Variants in SLC38A4 observed in about 807,000 individuals in gnomAD.
SLC38A4 encodes solute carrier family 38 member 4, also known as sodium-coupled neutral amino acid transporter 4.
A neutral mutation model predicts 63.1 loss-of-function variants in SLC38A4; 20 were observed. The ratio of observed to expected loss-of-function variants is 0.32; its 90% CI spans 0.22 to 0.46. SLC38A4 has a LOEUF of 0.46. SLC38A4 is among the 20% of genes least tolerant of loss of function. The pLI is 1.00. For missense variants in SLC38A4, 526 were observed against 663.6 expected, an observed-to-expected ratio of 0.79 and a Z score of 2.28; for synonymous variants, 230 against 225.5, an observed-to-expected ratio of 1.02 and a Z score of -0.18.
chr12:46,783,060 T>TGTGTGTGTGTGTGTGTG (rs1236267248), intron 7 of SLC38A4, among the ~76,000 whole-genome samples: 1 of 42,004 alleles, frequency 2.4e-5, no homozygotes, highest in African/African-American at 7.8e-5. Flanking sequence ...GTGTGTGTGT[T>TGTGTGTGTGTGTGTGTG]AGGGTTGGAG....
At chr12:46,779,754 TA>T in intron 9 of SLC38A4, 25 bp downstream of exon 9, 1 of 1,588,974 alleles carries the variant, frequency 6.3e-7, no homozygotes, top group Non-Finnish European at 8.6e-7. Context: ...AAAATAAAAA[TA>T]TTTCCAGTTA....
At chr12:46,781,942 A>G (rs1187714702) in intron 7 of SLC38A4, among the ~76,000 whole-genome samples, 1 of 152,040 alleles carries the variant, frequency 6.6e-6, no homozygotes, top group East Asian at 1.9e-4. Context: ...TAAGGCTGAG[A>G]GTTTGAAACA....
chr12:46,797,387 C>A (rs78766382), intron 2 of SLC38A4, among the ~76,000 whole-genome samples: 5,842 of 152,218 alleles, frequency 0.038, 136 homozygotes, highest in Middle Eastern at 0.071. Flanking sequence ...AATTTACTGT[C>A]TCTGCTTGAG....
chr12:46,774,249 G>A (rs116070889), intron 14 of SLC38A4, among the ~76,000 whole-genome samples: 1,602 of 152,170 alleles, frequency 0.011, 30 homozygotes, highest in African/African-American at 0.037. Flanking sequence ...AGCCCTGTAT[G>A]GAACATTATG....
chr12:46,793,056 G>C lies in SLC38A4; in HGVS notation c.16C>G (p.Leu6Val). The C allele has an allele frequency of 1.9e-6, 3 of 1,612,730 alleles. No homozygotes were observed. Residue 6 changes from leucine to valine, a missense_variant, in exon 3 of 17, where the codon CTG becomes GTG. Coordinates refer to ENST00000266579, the MANE Select transcript of SLC38A4 (RefSeq NM_018018.5). Reference protein sequence around the residue: MDPMELRNVNIEPDDE... With the variant: MDPMEVRNVNIEPDDE... ...TCTGGTTCGATGTTGACATTTCTCA[G>C]TTCCATGGGATCCATTTGAGCTGTC...
rs773098955 is a variant in SLC38A4, at chr12:46,788,636, C to A, written c.120-18G>T. ...CAAATTGACTGAACACACACACACA[C>A]AAATAAGAAAGTGAAAACATCTAAA... On this transcript the variant is annotated intron_variant, in intron 3 of 16. Coordinates refer to ENST00000266579, the MANE Select transcript of SLC38A4 (RefSeq NM_018018.5). The A allele has an allele frequency of 6.3e-7, 1 of 1,575,450 alleles. No individual in the cohort carries two copies. The highest frequency in any genetic ancestry group is 1.7e-5 in the Admixed American group (1 of 59,778).
intron 4 of SLC38A4, 134 bp downstream of exon 4, chr12:46,788,394 G>A: frequency 1.4e-6 from 1 of 692,314 alleles, no homozygotes; most frequent in Non-Finnish European, 2.5e-6. Flanking sequence ...CCTTATTCCA[G>A]TAAGAGCCTG....
chr12:46,819,078 G>A (rs1017623301), intron 1 of SLC38A4, among the ~76,000 whole-genome samples: 2 of 151,762 alleles, frequency 1.3e-5, no homozygotes, highest in African/African-American at 4.8e-5. Flanking sequence ...GCAGAATTTT[G>A]GAGTTTGAGA....
intron 14 of SLC38A4, 39 bp downstream of exon 14, chr12:46,775,010 G>T (rs1280381126): frequency 3.7e-6 from 6 of 1,605,934 alleles, no homozygotes; most frequent in Non-Finnish European, 4.3e-6. Flanking sequence ...AATTTATGGG[G>T]TCAAGTAGGT....
intron 1 of SLC38A4, among the ~76,000 whole-genome samples, chr12:46,806,709 C>T (rs149047278): frequency 4.6e-5 from 7 of 151,978 alleles, no homozygotes; most frequent in African/African-American, 4.8e-5. Context: ...AGAAAGAGAA[C>T]GTATGGTGAT....
upstream of SLC38A4, among the ~76,000 whole-genome samples, chr12:46,826,351 C>G (rs1939652185): frequency 6.6e-6 from 1 of 152,004 alleles, no homozygotes; most frequent in Non-Finnish European, 1.5e-5. Flanking sequence ...TTCACTGGAC[C>G]AAAACATGGA....
chr12:46,829,160 G>C (rs1939697609), upstream of SLC38A4, among the ~76,000 whole-genome samples: 1 of 152,144 alleles, frequency 6.6e-6, no homozygotes, highest in Non-Finnish European at 1.5e-5. Context: ...CTATAGAATA[G>C]AGTATCATGT....
chr12:46,784,656 C>A (rs1565667562), intron 6 of SLC38A4, 22 bp from the exon 7 acceptor site: 1 of 1,574,352 alleles, frequency 6.4e-7, no homozygotes. Context: ...GATAAAATAG[C>A]CTTGTTAAAG....
At position 46,796,646 on chromosome 12, in the gene SLC38A4, G is replaced by A. The variant is rs61703497; in HGVS notation, c.-112-3463C>T. The stretch of plus-strand genomic sequence containing the variant: ...CTGCCACTCTAGGAGCAGTTACTCC[G>A]GGGGTGAAGCATTTTAATGTATCTT... On this transcript the variant is annotated intron_variant, in intron 2 of 16. Coordinates refer to ENST00000266579, the MANE Select transcript of SLC38A4 (RefSeq NM_018018.5). Among the ~76,000 whole-genome samples, 411 of 152,212 alleles carry A rather than the reference G, an allele frequency of 2.7e-3. 4 individuals are homozygous for A. Among genetic ancestry groups the A allele is most frequent in the African/African-American group, 9.1e-3 (380 of 41,560 alleles).
At chr12:46,796,556 AG>A (rs1939009598) in intron 2 of SLC38A4, among the ~76,000 whole-genome samples, 1 of 152,040 alleles carries the variant, frequency 6.6e-6, no homozygotes, top group African/African-American at 2.4e-5. Flanking sequence ...GCTCCCTTGT[AG>A]GTTCTGTGTA....
intron 7 of SLC38A4, among the ~76,000 whole-genome samples, chr12:46,783,757 T>C (rs952938288): frequency 5.3e-5 from 8 of 151,756 alleles, no homozygotes; most frequent in African/African-American, 1.9e-4. Flanking sequence ...GAATAGCAGG[T>C]TTAGGGACTG....
chr12:46,786,236 C>T (rs1242309656), intron 5 of SLC38A4, among the ~76,000 whole-genome samples: 3 of 151,960 alleles, frequency 2.0e-5, no homozygotes, highest in Non-Finnish European at 4.4e-5. Context: ...ATGAGCATTC[C>T]CTGTATTCTA....
chr12:46,790,606 C>G (rs1326131857), intron 3 of SLC38A4, among the ~76,000 whole-genome samples: 2 of 152,048 alleles, frequency 1.3e-5, no homozygotes, highest in Non-Finnish European at 2.9e-5. Flanking sequence ...TTATTTTAAT[C>G]AATAAACTAA....
intron 16 of SLC38A4, among the ~76,000 whole-genome samples, chr12:46,767,121 C>A (rs1214536230): frequency 6.6e-6 from 1 of 151,878 alleles, no homozygotes; most frequent in East Asian, 1.9e-4. Flanking sequence ...AGAATGCTTA[C>A]AATCTTTTAG....
Sources: allele counts gnomAD v4.1 joint callset (sites outside exome capture counted in the v4.1 genomes callset), GRCh38; gene constraint gnomAD v4.1.1; transcripts MANE v1.5; gene names NCBI Gene and HGNC (gene_info 2026-07-23, HGNC 2026-07-21).